ZMYM2: variants seen among roughly 807,000 people sequenced by gnomAD.
The protein encoded by ZMYM2 is zinc finger MYM-type containing 2, also known as zinc finger MYM-type protein 2.
Under a neutral mutation model 162.8 loss-of-function variants are expected in ZMYM2, and 56 were observed. The observed-to-expected ratio is 0.34, with a 90% confidence interval of 0.28 to 0.43. ZMYM2 has a LOEUF of 0.43. Ranked by LOEUF, ZMYM2 falls within the 20% of genes least tolerant of loss-of-function variation. The pLI is 1.00. For synonymous variants in ZMYM2, 510 were observed against 541.6 expected, an observed-to-expected ratio of 0.94 and a Z score of 0.81; for missense variants, 1,275 against 1,621.8, an observed-to-expected ratio of 0.79 and a Z score of 3.67.
At chr13:20,050,524 C>G (rs1339342281) in intron 12 of ZMYM2, among the ~76,000 whole-genome samples, 1 of 150,886 alleles carries the variant, frequency 6.6e-6, no homozygotes, top group Non-Finnish European at 1.5e-5. Context: ...AATAATAGTT[C>G]ATTTCTAGAT....
At chr13:19,893,931 G>A in the ZMYM2 span, among the ~76,000 whole-genome samples, 1 of 151,804 alleles carries the variant, frequency 6.6e-6, no homozygotes, top group Admixed American at 6.6e-5. Context: ...ACACCACCAC[G>A]TTTGGCTTCA....
intron 3 of ZMYM2, among the ~76,000 whole-genome samples, chr13:19,999,196 G>A (rs753525445): frequency 1.3e-5 from 2 of 152,156 alleles, no homozygotes; most frequent in Admixed American, 6.5e-5. Context: ...GTCAGTACAG[G>A]CATACCTCAT....
At chr13:20,022,164 G>C (rs1210135613) in intron 7 of ZMYM2, among the ~76,000 whole-genome samples, 1 of 152,192 alleles carries the variant, frequency 6.6e-6, no homozygotes, top group Admixed American at 6.5e-5. Context: ...TTAAAGGTGG[G>C]TGGGAGGTTT....
At chr13:20,038,156 A>T (rs1192120183) in intron 12 of ZMYM2, among the ~76,000 whole-genome samples, 2 of 152,142 alleles carry the variant, frequency 1.3e-5, no homozygotes, top group African/African-American at 4.8e-5. Context: ...ATTCCATGGT[A>T]TATATGAACC....
chr13:20,051,934 C>T (rs145789358), intron 13 of ZMYM2, among the ~76,000 whole-genome samples: 4 of 151,900 alleles, frequency 2.6e-5, no homozygotes, highest in Admixed American at 6.6e-5. Flanking sequence ...TTTAGCAAAT[C>T]GTATTGCTAG....
chr13:20,041,377 G>A (rs1954232489), intron 12 of ZMYM2, among the ~76,000 whole-genome samples: 1 of 152,082 alleles, frequency 6.6e-6, no homozygotes, highest in Admixed American at 6.6e-5. Flanking sequence ...GGCAACCCCT[G>A]CTTTTCTCTG....
At chr13:19,891,267 C>G in the ZMYM2 span, among the ~76,000 whole-genome samples, 2 of 151,750 alleles carry the variant, frequency 1.3e-5, no homozygotes, top group African/African-American at 4.9e-5. Context: ...GAAGAGGCCG[C>G]GTGAGGACAC....
chr13:19,921,838 C>A, the ZMYM2 span, among the ~76,000 whole-genome samples: 29 of 152,208 alleles, frequency 1.9e-4, no homozygotes, highest in African/African-American at 6.3e-4. Flanking sequence ...TTGGGCCAAG[C>A]TTGAGGACTG....
At chr13:19,901,783 T>A in the ZMYM2 span, among the ~76,000 whole-genome samples, 1 of 152,024 alleles carries the variant, frequency 6.6e-6, no homozygotes, top group South Asian at 2.1e-4. Context: ...CCCAACTTTT[T>A]TTAAAAAAGG....
intron 15 of ZMYM2, 64 bp from the exon 16 acceptor site, chr13:20,059,383 A>G (rs1194716002): frequency 1.9e-6 from 3 of 1,551,208 alleles, no homozygotes; most frequent in Non-Finnish European, 2.6e-6. Context: ...AATTATTTTA[A>G]CATTGAGCAC....
chr13:20,025,972 G>C (rs1952546529), intron 7 of ZMYM2: 1 of 152,062 alleles, frequency 6.6e-6, no homozygotes, highest in African/African-American at 2.4e-5. Flanking sequence ...TTTGGCAGGA[G>C]GATTAACTTT....
At chr13:20,002,805 C>G (rs1206575774) in intron 3 of ZMYM2, 45 bp from the exon 4 acceptor site, 13 of 1,590,282 alleles carry the variant, frequency 8.2e-6, no homozygotes, top group Non-Finnish European at 1.1e-5. Flanking sequence ...TATGTATAAA[C>G]AAACACTTGT....
At chr13:19,909,431 G>GTTT in the ZMYM2 span, among the ~76,000 whole-genome samples, 1 of 96,186 alleles carries the variant, frequency 1.0e-5, no homozygotes, top group Non-Finnish European at 2.1e-5. Context: ...TGCCTTTTTC[G>GTTT]TTTTTTTTTT....
upstream of ZMYM2, among the ~76,000 whole-genome samples, chr13:19,957,514 A>T (rs1394025532): frequency 2.0e-5 from 3 of 150,568 alleles, no homozygotes; most frequent in Non-Finnish European, 4.4e-5. Context: ...CGAGGAACAA[A>T]AGAGAAGACC....
chr13:19,899,031 C>T, the ZMYM2 span, among the ~76,000 whole-genome samples: 1 of 151,156 alleles, frequency 6.6e-6, no homozygotes, highest in African/African-American at 2.4e-5. Context: ...CAGCTCACTG[C>T]AGCCTCCGCC....
chr13:19,887,447 C>G, the ZMYM2 span, among the ~76,000 whole-genome samples: 4 of 151,180 alleles, frequency 2.6e-5, no homozygotes, highest in African/African-American at 7.3e-5. Flanking sequence ...GAGAATCATT[C>G]GAACCCAGGA....
intron 21 of ZMYM2, among the ~76,000 whole-genome samples, chr13:20,072,991 C>T (rs1957208796): frequency 6.6e-6 from 1 of 151,960 alleles, no homozygotes; most frequent in African/African-American, 2.4e-5. Flanking sequence ...TCACTGCAAC[C>T]TCTGCCTCCC....
At chr13:20,079,011 AT>A (rs1244965171) in intron 21 of ZMYM2, among the ~76,000 whole-genome samples, 1 of 151,240 alleles carries the variant, frequency 6.6e-6, no homozygotes, top group South Asian at 2.1e-4. Context: ...AGGAATTTAT[AT>A]TTAAAAAAAA....
At chr13:20,059,810 C>T (rs1956097043) in intron 16 of ZMYM2, among the ~76,000 whole-genome samples, 1 of 151,892 alleles carries the variant, frequency 6.6e-6, no homozygotes, top group Non-Finnish European at 1.5e-5. Context: ...CTAAGGTAGG[C>T]GTATCTTCAG....
Sources: allele counts gnomAD v4.1 joint callset (sites outside exome capture counted in the v4.1 genomes callset), GRCh38; gene constraint gnomAD v4.1.1; transcripts MANE v1.5; gene names NCBI Gene and HGNC (gene_info 2026-07-23, HGNC 2026-07-21).